The following DLGAP5 variants were observed in gnomAD, a reference collection of about 807,000 sequenced individuals.
DLGAP5 encodes DLG associated protein 5.
DLGAP5 carries 90 observed loss-of-function variants against 99.6 expected under a neutral mutation model. The observed-to-expected ratio is 0.90, with a 90% confidence interval of 0.76 to 1.08. The LOEUF (loss-of-function observed/expected upper bound fraction) is 1.08. Ranked by LOEUF, DLGAP5 falls within the 50% of genes least tolerant of loss-of-function variation. The probability of loss-of-function intolerance (pLI) is 0.00; values close to 1 mark genes in which losing one functional copy is unlikely to be tolerated. For missense variants in DLGAP5, 1,036 were observed against 983.5 expected (o/e 1.05, Z -0.71); for synonymous variants, 311 against 321.3 (o/e 0.97, Z 0.34).
At chr14:55,160,201 T>TA (rs1882368163) in intron 13 of DLGAP5, among the ~76,000 whole-genome samples, 1 of 150,412 alleles carries the variant, frequency 6.6e-6, no homozygotes, top group Non-Finnish European at 1.5e-5. Context: ...AGACTCTATC[T>TA]CAAAAAATAA....
intron 3 of DLGAP5, 41 bp from the exon 4 acceptor site, chr14:55,182,473 G>T: frequency 6.5e-7 from 1 of 1,531,912 alleles, no homozygotes; most frequent in Non-Finnish European, 8.9e-7. Flanking sequence ...AATATGAACT[G>T]GTAAAGGTTT....
intron 14 of DLGAP5, 124 bp from the exon 15 acceptor site, chr14:55,154,930 A>AT: frequency 1.2e-6 from 1 of 804,222 alleles, no homozygotes; most frequent in Non-Finnish European, 1.9e-6. Context: ...TGTTAAAGAC[A>AT]AATGCCTGGG....
Position 55,169,399 on chromosome 14 carries a change from C to G in DLGAP5, c.1548G>C (p.Gln516His). ...LDGFWDMVSF[Q>H]IEDVIHKFNN... ...ATATTTGAAATATTGAACCACATAC[C>G]TGAAAACTAACCATATCCCAAAATC... Residue 516 changes from glutamine (Q) to histidine (H), a missense_variant and splice_region_variant, in exon 12 of 19, where the codon CAG (glutamine) becomes CAC (histidine). Gln to His is a conservative substitution (Grantham distance 24). Coordinates refer to ENST00000247191, the MANE Select transcript of DLGAP5 (RefSeq NM_014750.5). 2 of 1,489,046 alleles carry G rather than the reference C, an allele frequency of 1.3e-6. No homozygotes were observed. Among genetic ancestry groups the G allele is most frequent in the South Asian group, 2.7e-5 (2 of 74,172 alleles). 92.2% of individuals were successfully genotyped at this position (1,489,046 alleles called of 1,614,324 possible).
Position 55,182,420 on chromosome 14 carries a change from A to G in DLGAP5, c.445T>C (p.Ser149Pro). The change falls in exon 4 of 19, where the codon TCT (serine) becomes CCT (proline). Residue 149 changes from serine to proline, a missense_variant. Transcript: ENST00000247191. ...GCCTTTGACCTTGTAATCCGTACAG[A>G]AGATGGAATAGCCTTAGAACAGTCA... ...KAEPKKAIPSSVRITRSKAKD... is the reference protein window; with the variant it reads ...KAEPKKAIPSPVRITRSKAKD... 4 of 1,612,728 alleles carry G rather than the reference A, an allele frequency of 2.5e-6. No homozygotes were observed. Among genetic ancestry groups the G allele is most frequent in the Non-Finnish European group, 3.4e-6 (4 of 1,179,174 alleles).
At chr14:55,169,773 T>C (rs1882787577) in intron 11 of DLGAP5, among the ~76,000 whole-genome samples, 1 of 152,240 alleles carries the variant, frequency 6.6e-6, no homozygotes, top group Non-Finnish European at 1.5e-5. Flanking sequence ...TTCTCATACA[T>C]ATTGCTATAT....
intron 13 of DLGAP5, among the ~76,000 whole-genome samples, chr14:55,162,517 G>A (rs1243892221): frequency 6.6e-6 from 1 of 152,004 alleles, no homozygotes; most frequent in Non-Finnish European, 1.5e-5. Context: ...TACTTGGGAG[G>A]CTGAGGCAGG....
In DLGAP5 at chr14:55,177,236, T is replaced by C. The variant is rs1003915512; in HGVS notation, c.875A>G (p.Asn292Ser). Residue 292 changes from asparagine to serine, a missense_variant, in exon 8 of 19, where the codon AAC (asparagine) becomes AGC (serine). Coordinates refer to ENST00000247191, the MANE Select transcript of DLGAP5 (RefSeq NM_014750.5). ...TTTTGCAGTATTTATCTCAGGTAAG[T>C]TTTCCATTTTTGATAAGACTCCATC... ...NPDGVLSKME[N>S]LPEINTAKIK... is the part of the protein sequence containing the mutation. 6.2e-7 allele frequency: 1 copy of C among 1,613,558 alleles called. No individual in the cohort carries two copies. The highest frequency in any genetic ancestry group is 1.3e-5 in the African/African-American group (1 of 74,976).
At position 55,170,779 on chromosome 14, in the gene DLGAP5, A is replaced by C; in HGVS notation, c.1310T>G (p.Leu437Arg). The C allele has an allele frequency of 6.2e-7, 1 of 1,613,238 alleles. No homozygotes were observed. Among genetic ancestry groups the C allele is most frequent in the Non-Finnish European group, 8.5e-7 (1 of 1,179,336 alleles). The change falls in exon 11 of 19, where the codon CTC becomes CGC. Residue 437 changes from leucine (L) to arginine (R), a missense_variant. Transcript: ENST00000247191. ...AGTTAATTTCTCAGTTTCTGACTGG[A>C]GGATATTTCTAAAATTATGACATAC... ...HHGVPYFRNILQSETEKLTSH... is the reference protein window; with the variant it reads ...HHGVPYFRNIRQSETEKLTSH...
At chr14:55,185,633 G>A (rs186601816) in intron 2 of DLGAP5, among the ~76,000 whole-genome samples, 68 of 152,270 alleles carry the variant, frequency 4.5e-4, no homozygotes, top group Non-Finnish European at 7.3e-4. Context: ...ACAGGCATGC[G>A]CCACTGCGCC....
Position 55,173,153 on chromosome 14 carries a change from A to G in DLGAP5, c.1301+2193T>C, listed in dbSNP as rs957819098. 2.0e-5 allele frequency among the ~76,000 whole-genome samples: 3 copies of G among 151,726 alleles called. No homozygotes were observed. In the South Asian group the frequency reaches 6.2e-4, roughly 32 times the overall value. On this transcript the variant is annotated intron_variant, in intron 10 of 18. Coordinates refer to ENST00000247191, the MANE Select transcript of DLGAP5 (RefSeq NM_014750.5). ...ACCCAGTGCTCTAAAAAAGAAATTA[A>G]GCTGGACATAGTGGCTCATGCCTGT...
At chr14:55,154,860 A>G in intron 14 of DLGAP5, 54 bp from the exon 15 acceptor site, 2 of 1,466,328 alleles carry the variant, frequency 1.4e-6, no homozygotes, top group Non-Finnish European at 1.9e-6. Flanking sequence ...GCTTTTCATT[A>G]TAACTAGGAA....
Position 55,173,738 on chromosome 14 carries a change from T to A in DLGAP5, c.1301+1608A>T, listed in dbSNP as rs1454447465. On this transcript the variant is annotated intron_variant, in intron 10 of 18. Transcript: ENST00000247191. ...TCCCCAAATTAATACTTTTGTAATA[T>A]CTTATGCCTGTCTTTACTGCAATCT... 9.8e-5 allele frequency among the ~76,000 whole-genome samples: 15 copies of A among 152,300 alleles called. No homozygotes were observed. In the East Asian group the frequency reaches 2.5e-3, roughly 25 times the overall value.
At chr14:55,163,187 AT>A (rs1882509775) in intron 12 of DLGAP5, 112 bp from the exon 13 acceptor site, 7 of 518,566 alleles carry the variant, frequency 1.3e-5, no homozygotes, top group Admixed American at 3.9e-5. Flanking sequence ...ATGATGAGTT[AT>A]TAAAACTGGA....
At chr14:55,171,272 C>T (rs969207561) in intron 10 of DLGAP5, among the ~76,000 whole-genome samples, 8 of 152,120 alleles carry the variant, frequency 5.3e-5, no homozygotes, top group Admixed American at 1.3e-4. Context: ...GTCAATTTTG[C>T]CCCATTCTAG....
rs1314031499 is a variant in DLGAP5 at position 55,152,572 on chromosome 14, C to T, written c.2121+18G>A. On this transcript the variant is annotated intron_variant, in intron 16 of 18. Transcript: ENST00000247191. ...TATGACATACTGGGCTATCTAACCA[C>T]ACTGGAATTGTACTTACATGATTTT... 1 of 1,589,738 alleles carries T rather than the reference C, an allele frequency of 6.3e-7. No homozygotes were observed. The highest frequency in any genetic ancestry group is 8.6e-7 in the Non-Finnish European group (1 of 1,167,474).
intron 9 of DLGAP5, 69 bp from the exon 10 acceptor site, chr14:55,175,541 A>C (rs1883032003): frequency 4.2e-6 from 4 of 958,366 alleles, no homozygotes; most frequent in Non-Finnish European, 6.2e-6. Flanking sequence ...GCCCCTAAAA[A>C]GACATTTTAA....
At chr14:55,152,686 ATT>A (rs778771551) in intron 15 of DLGAP5, 39 bp from the exon 16 acceptor site, 1 of 1,492,482 alleles carries the variant, frequency 6.7e-7, no homozygotes, top group South Asian at 1.3e-5. Context: ...TCATAAACAT[ATT>A]GTTATTGTTT....
At chr14:55,151,074 G>T (rs752922481) in intron 17 of DLGAP5, among the ~76,000 whole-genome samples, 1 of 152,112 alleles carries the variant, frequency 6.6e-6, no homozygotes, top group African/African-American at 2.4e-5. Flanking sequence ...AACATTAAAG[G>T]TACCCAGAAA....
chr14:55,187,422 G>T (rs570298279), intron 2 of DLGAP5, among the ~76,000 whole-genome samples: 2 of 150,278 alleles, frequency 1.3e-5, no homozygotes, highest in African/African-American at 4.9e-5. Context: ...GGGTTCAAGC[G>T]ATTCTCCTGC....
Sources: gnomAD v4.1 joint callset for allele counts (sites outside exome capture counted in the v4.1 genomes callset) on GRCh38, gnomAD v4.1.1 for gene constraint, MANE v1.5 for transcripts, NCBI Gene and HGNC (gene_info 2026-07-23, HGNC 2026-07-21) for gene names.